VPS13C: variants seen among roughly 807,000 people sequenced by gnomAD.
VPS13C encodes the protein vacuolar protein sorting 13 homolog C, also known as intermembrane lipid transfer protein VPS13C.
Under a neutral mutation model 456.8 loss-of-function variants are expected in VPS13C, and 358 were observed. The observed-to-expected ratio is 0.78, with a 90% CI of 0.72 to 0.86. The LOEUF (loss-of-function observed/expected upper bound fraction) is 0.86. Ranked by LOEUF, VPS13C falls within the 40% of genes least tolerant of loss-of-function variation. The pLI is 0.00. For missense variants in VPS13C, 4,818 were observed against 4,385.4 expected, an observed-to-expected ratio of 1.10 and a Z score of -2.79; for synonymous variants, 1,578 against 1,486.7, an observed-to-expected ratio of 1.06 and a Z score of -1.41.
At chr15:61,894,000 G>C (rs114591450) in intron 66 of VPS13C, among the ~76,000 whole-genome samples, 1,788 of 152,024 alleles carry the variant, frequency 0.012, 43 homozygotes, top group African/African-American at 0.041. Flanking sequence ...GAAAGAAAGA[G>C]GGGCATTATA....
At position 61,909,114 on chromosome 15, in the gene VPS13C, G is replaced by A; in HGVS notation, c.8856C>T (p.Ile2952=). The change falls in exon 65 of 85, where the codon ATC becomes ATT. Residue 2952 remains isoleucine, a synonymous_variant. Coordinates refer to ENST00000644861, the MANE Select transcript of VPS13C (RefSeq NM_020821.3). ...GTTCGGCAGTGTTTACATCCACCAA[G>A]ATACCCCCATTCTATTGTAGAAAAA... is the stretch of plus-strand genomic sequence containing the variant. ...LLSLEDLNGG[I]LVDVNTAEHS... The A allele has an allele frequency of 1.2e-6, 2 of 1,609,400 alleles. No homozygotes were observed. The highest frequency in any genetic ancestry group is 8.5e-7 in the Non-Finnish European group (1 of 1,178,690).
intron 66 of VPS13C, among the ~76,000 whole-genome samples, chr15:61,902,744 C>T (rs956781745): frequency 2.0e-5 from 3 of 151,542 alleles, no homozygotes; most frequent in Non-Finnish European, 2.9e-5. Flanking sequence ...AACATCATAC[C>T]GAAGAAGGAA....
At chr15:61,997,581 T>C (rs1356740942) in intron 16 of VPS13C, among the ~76,000 whole-genome samples, 2 of 152,126 alleles carry the variant, frequency 1.3e-5, no homozygotes, top group Non-Finnish European at 2.9e-5. Flanking sequence ...TCAAGCTTGT[T>C]CTCTCCCATC....
At chr15:61,898,057 G>A (rs951387400) in intron 66 of VPS13C, among the ~76,000 whole-genome samples, 1 of 152,042 alleles carries the variant, frequency 6.6e-6, no homozygotes, top group African/African-American at 2.4e-5. Context: ...AATGCTGAGA[G>A]ATTTTGTCAC....
Position 61,878,673 on chromosome 15 carries a change from T to A in VPS13C, c.10076A>T (p.His3359Leu), listed in dbSNP as rs753493016. 6.2e-7 allele frequency: 1 copy of A among 1,611,954 alleles called. No homozygotes were observed. Among genetic ancestry groups the A allele is most frequent in the East Asian group, 2.2e-5 (1 of 44,764 alleles). The change falls in exon 74 of 85, where the codon CAT (histidine) becomes CTT (leucine). Residue 3359 changes from histidine to leucine, a missense_variant. Physicochemically the swap from His to Leu is moderately conservative, Grantham distance 99. Transcript: ENST00000644861. ...DKEKQEMFAV[H>L]SVNLLLKSIG... is the part of the protein sequence containing the mutation. ...GCTTTTCAACAGCAAGTTGACAGAATGAACTGCAAACATTTCCTGTTTTTC... is the reference window on the plus strand; with the variant it reads ...GCTTTTCAACAGCAAGTTGACAGAAAGAACTGCAAACATTTCCTGTTTTTC...
intron 16 of VPS13C, among the ~76,000 whole-genome samples, chr15:61,994,372 T>C (rs762281528): frequency 2.6e-5 from 4 of 152,212 alleles, no homozygotes; most frequent in Non-Finnish European, 4.4e-5. Context: ...CTCTCTTTCA[T>C]AGGAACAATC....
intron 22 of VPS13C, 40 bp downstream of exon 22, chr15:61,981,302 G>A (rs1402742607): frequency 1.3e-6 from 2 of 1,555,494 alleles, no homozygotes; most frequent in Non-Finnish European, 1.7e-6. Context: ...CTAGCAAGCA[G>A]GTCAAAGATG....
Position 61,963,832 on chromosome 15 carries a change from T to C in VPS13C, c.3331+3A>G, listed in dbSNP as rs918692581. The C allele has an allele frequency of 1.9e-6, 3 of 1,602,702 alleles. No homozygotes were observed. The highest frequency in any genetic ancestry group is 2.2e-5 in the East Asian group (1 of 44,672). ...CAATTTTCAATGCCGTGTGAACTTT[T>C]ACCTTGAATCTTGATTTCGGCGATA... On this transcript the variant is annotated splice_donor_region_variant and intron_variant, in intron 32 of 84. Transcript: ENST00000644861.
Position 61,931,124 on chromosome 15 carries a change from C to A in VPS13C, c.6004G>T (p.Asp2002Tyr), listed in dbSNP as rs758039054. The A allele has an allele frequency of 6.2e-7, 1 of 1,614,052 alleles. No individual in the cohort carries two copies. The highest frequency in any genetic ancestry group is 8.5e-7 in the Non-Finnish European group (1 of 1,180,012). Reference protein sequence around the residue: ...SVKLKTCTLDDLREGIERATS... With the variant: ...SVKLKTCTLDYLREGIERATS... ...GCTCTCTCAATTCCTTCTCTGAGAT[C>A]ATCAAGGGTGCATGTCTTAAGTTTA... Residue 2002 changes from aspartate (D) to tyrosine (Y), a missense_variant, in exon 50 of 85, where the codon GAT (aspartate) becomes TAT (tyrosine). Around this residue, in one of 3 missense-constraint regions of VPS13C, gnomAD observed 4,552 missense variants for 4,130.6 expected, o/e 1.10. Coordinates refer to ENST00000644861, the MANE Select transcript of VPS13C (RefSeq NM_020821.3).
At chr15:61,855,348 G>A (rs1444891189) in intron 83 of VPS13C, among the ~76,000 whole-genome samples, 1 of 152,144 alleles carries the variant, frequency 6.6e-6, no homozygotes, top group Non-Finnish European at 1.5e-5. Context: ...TGATGTGAAA[G>A]AGAAGTGATA....
intron 66 of VPS13C, among the ~76,000 whole-genome samples, chr15:61,905,929 A>G (rs2043140566): frequency 6.6e-6 from 1 of 151,990 alleles, no homozygotes; most frequent in Non-Finnish European, 1.5e-5. Context: ...CATAGTTGTC[A>G]TGTCTTTATA....
intron 66 of VPS13C, among the ~76,000 whole-genome samples, chr15:61,892,755 A>G (rs182053519): frequency 1.3e-5 from 2 of 152,332 alleles, no homozygotes; most frequent in East Asian, 3.9e-4. Flanking sequence ...GCAACACAGA[A>G]AAACAATTAA....
chr15:61,991,713 T>C lies in VPS13C; in HGVS notation c.1443A>G (p.Lys481=). The C allele has an allele frequency of 6.2e-7, 1 of 1,613,034 alleles. No individual in the cohort carries two copies. The highest frequency in any genetic ancestry group is 8.5e-7 in the Non-Finnish European group (1 of 1,179,408). Residue 481 remains lysine, a synonymous_variant, in exon 17 of 85, where the codon AAA becomes AAG. Transcript: ENST00000644861. ...ATTCTTCGTCCTTTTTCTTAGACTC[T>C]TTCTTACCCCACAACCCACTAAACC... is the stretch of plus-strand genomic sequence containing the variant. ...GGWFSGLWGK[K]ESKKKDEESL... is the part of the protein sequence containing the mutation.
chr15:62,020,370 T>TA, intron 9 of VPS13C, 109 bp downstream of exon 9: 3 of 856,622 alleles, frequency 3.5e-6, no homozygotes, highest in Non-Finnish European at 3.3e-6. Flanking sequence ...ATAATATATT[T>TA]AAAAAATCAT....
chr15:62,060,437 AC>A lies in VPS13C; in HGVS notation c.-64del. Reference sequence around the variant, plus strand: ...CCGCCCGGCGCAGCTGAGGGCTGCGACCAGCGCTGCAAATGACAGCCCCTCC... The same window carrying A: ...CCGCCCGGCGCAGCTGAGGGCTGCGACAGCGCTGCAAATGACAGCCCCTCC... On this transcript the variant is annotated 5_prime_UTR_variant, in exon 1 of 85. Coordinates refer to ENST00000644861, the MANE Select transcript of VPS13C (RefSeq NM_020821.3). 1 of 842,532 alleles carries A rather than the reference AC, an allele frequency of 1.2e-6. No homozygotes were observed. Among genetic ancestry groups the A allele is most frequent in the Non-Finnish European group, 1.9e-6 (1 of 536,368 alleles). 52.2% of individuals were successfully genotyped at this position (842,532 alleles called of 1,614,324 possible).
chr15:61,927,302 T>A lies in VPS13C; in HGVS notation c.6305A>T (p.Asn2102Ile). ...KIEKDDSVRP[N>I]MTLKAMITDP... is the part of the protein sequence containing the mutation. ...TGTGATCATGGCCTTTAAAGTCATATTTGGTCTAACAGAGTCATCTGAAGA... is the reference window on the plus strand; with the variant it reads ...TGTGATCATGGCCTTTAAAGTCATAATTGGTCTAACAGAGTCATCTGAAGA... Residue 2102 changes from asparagine (N) to isoleucine (I), a missense_variant, in exon 52 of 85, where the codon AAT becomes ATT. Physicochemically the swap from Asn to Ile is moderately radical, Grantham distance 149. Around this residue, in one of 3 missense-constraint regions of VPS13C, gnomAD observed 4,552 missense variants for 4,130.6 expected, o/e 1.10. Coordinates refer to ENST00000644861, the MANE Select transcript of VPS13C (RefSeq NM_020821.3). The A allele has an allele frequency of 6.2e-7, 1 of 1,614,104 alleles. No individual in the cohort carries two copies. The highest frequency in any genetic ancestry group is 8.5e-7 in the Non-Finnish European group (1 of 1,179,960).
At chr15:61,894,368 G>A (rs1022204582) in intron 66 of VPS13C, among the ~76,000 whole-genome samples, 1 of 150,706 alleles carries the variant, frequency 6.6e-6, no homozygotes, top group African/African-American at 2.4e-5. Context: ...GCAGTAGTAA[G>A]TCCTTACTTA....
intron 53 of VPS13C, among the ~76,000 whole-genome samples, chr15:61,923,466 C>A (rs775398957): frequency 1.3e-5 from 2 of 152,096 alleles, no homozygotes; most frequent in Non-Finnish European, 2.9e-5. Flanking sequence ...CAAACCAAAT[C>A]TGAGTATGAC....
chr15:62,058,618 C>T (rs1468059912), intron 1 of VPS13C, among the ~76,000 whole-genome samples: 6 of 152,054 alleles, frequency 3.9e-5, no homozygotes, highest in African/African-American at 1.2e-4. Flanking sequence ...AAATACTAGG[C>T]CATTTTATTT....
Sources: gnomAD v4.1 joint callset for allele counts (sites outside exome capture counted in the v4.1 genomes callset) on GRCh38, gnomAD v4.1.1 for gene constraint, gnomAD v4.1.1 regional missense constraint, MANE v1.5 for transcripts, NCBI Gene and HGNC (gene_info 2026-07-23, HGNC 2026-07-21) for gene names.